Variants in TOX observed in about 807,000 individuals in gnomAD.
The protein encoded by TOX is thymocyte selection-associated high mobility group box protein TOX.
TOX carries 11 observed loss-of-function variants against 53.7 expected under a neutral mutation model. The ratio of observed to expected loss-of-function variants is 0.20; its 90% CI spans 0.13 to 0.34. The LOEUF is 0.34. Ranked by LOEUF, TOX falls within the 10% of genes least tolerant of loss-of-function variation. The pLI is 1.00. For missense variants in TOX, 570 were observed against 664.6 expected (o/e 0.86, Z 1.56); for synonymous variants, 225 against 245.3 (o/e 0.92, Z 0.77).
intron 1 of TOX, among the ~76,000 whole-genome samples, chr8:59,032,923 T>C (rs1408580900): frequency 2.0e-5 from 3 of 151,886 alleles, no homozygotes; most frequent in Non-Finnish European, 4.4e-5. Flanking sequence ...TCCCAGCTAC[T>C]TGGAGGCTTA....
rs143265136 is a variant in TOX, at chr8:58,972,961, G to A, written c.103-12953C>T. Among the ~76,000 whole-genome samples, 31 of 152,220 alleles carry A rather than the reference G, an allele frequency of 2.0e-4. No individual in the cohort carries two copies. The East Asian group carries it at 5.4e-3, about 27-fold the overall frequency. Reference sequence around the variant, plus strand: ...TCTTGTTTCCAAGAAATCTTTTAACGTTATTTGAGATATTAAACTTGCAAC... The same window carrying A: ...TCTTGTTTCCAAGAAATCTTTTAACATTATTTGAGATATTAAACTTGCAAC... On this transcript the variant is annotated intron_variant, in intron 1 of 8. Transcript: ENST00000361421.
At chr8:59,006,875 T>C (rs1485066132) in intron 1 of TOX, among the ~76,000 whole-genome samples, 3 of 152,140 alleles carry the variant, frequency 2.0e-5, no homozygotes, top group African/African-American at 7.2e-5. Context: ...TTGATGTAGG[T>C]CTCTTCTAAT....
chr8:58,861,005 C>A (rs1330808751), intron 3 of TOX, among the ~76,000 whole-genome samples: 1 of 152,152 alleles, frequency 6.6e-6, no homozygotes, highest in African/African-American at 2.4e-5. Context: ...GATTGAGCCA[C>A]CTCGTTTCTG....
At chr8:59,067,118 G>C (rs891975385) in intron 1 of TOX, among the ~76,000 whole-genome samples, 4 of 152,176 alleles carry the variant, frequency 2.6e-5, no homozygotes, top group Admixed American at 1.3e-4. Flanking sequence ...AAATCCAGAA[G>C]GGGGGCCGGG....
intron 3 of TOX, among the ~76,000 whole-genome samples, chr8:58,854,484 A>G (rs1050506299): frequency 6.6e-6 from 1 of 151,980 alleles, no homozygotes. Context: ...TGTAGTGTGT[A>G]GATCTCTGGA....
At chr8:59,050,182 T>C (rs1461698694) in intron 1 of TOX, among the ~76,000 whole-genome samples, 1 of 152,148 alleles carries the variant, frequency 6.6e-6, no homozygotes, top group African/African-American at 2.4e-5. Context: ...TTGCAACTTT[T>C]GTTCTATTGT....
In TOX at chr8:58,806,559, A is replaced by G. The variant is rs145823107; in HGVS notation, c.*1188T>C. 1.0e-4 allele frequency: 16 copies of G among 152,654 alleles called. No individual in the cohort carries two copies. The highest frequency in any genetic ancestry group is 3.8e-4 in the African/African-American group (16 of 41,564). 9.5% of individuals were successfully genotyped at this position (152,654 alleles called of 1,614,324 possible). ...TTGGAGGGCAATTCTGTTATGTCGT[A>G]TGAAGAAATAAAGTTCTTAAATATA... On this transcript the variant is annotated 3_prime_UTR_variant, in exon 9 of 9. Coordinates refer to ENST00000361421, the MANE Select transcript of TOX (RefSeq NM_014729.3).
intron 5 of TOX, among the ~76,000 whole-genome samples, chr8:58,832,966 A>G (rs1157152312): frequency 6.6e-6 from 1 of 152,184 alleles, no homozygotes; most frequent in Non-Finnish European, 1.5e-5. Context: ...TGCAAGTGAG[A>G]TCTGCTCATT....
chr8:58,881,824 G>C (rs761695172), intron 3 of TOX, among the ~76,000 whole-genome samples: 2 of 151,772 alleles, frequency 1.3e-5, no homozygotes, highest in Non-Finnish European at 2.9e-5. Context: ...AGTATACTAA[G>C]GGTATTGTCA....
chr8:58,981,315 CAAG>C (rs770152980), intron 1 of TOX, among the ~76,000 whole-genome samples: 1 of 151,162 alleles, frequency 6.6e-6, no homozygotes, highest in Admixed American at 6.6e-5. Flanking sequence ...CCACTGTCTC[CAAG>C]AAGATGTAGA....
At chr8:59,012,921 T>TAA (rs373043305) in intron 1 of TOX, among the ~76,000 whole-genome samples, 2 of 123,348 alleles carry the variant, frequency 1.6e-5, no homozygotes, top group African/African-American at 3.1e-5. Context: ...TCCCATAGGT[T>TAA]AAAAAAAAAA....
chr8:59,011,213 A>C (rs948798146), intron 1 of TOX, among the ~76,000 whole-genome samples: 1 of 152,246 alleles, frequency 6.6e-6, no homozygotes, highest in Non-Finnish European at 1.5e-5. Flanking sequence ...GGTAACAAAG[A>C]GACCAAGGAT....
chr8:59,071,860 T>A (rs187475192), intron 1 of TOX, among the ~76,000 whole-genome samples: 257 of 152,322 alleles, frequency 1.7e-3, no homozygotes, highest in African/African-American at 5.3e-3. Context: ...ATTAGATATT[T>A]AAAGGAAATT....
Position 58,898,259 on chromosome 8 carries a change from C to T in TOX, c.411+41043G>A, listed in dbSNP as rs540028024. On this transcript the variant is annotated intron_variant, in intron 3 of 8. Coordinates refer to ENST00000361421, the MANE Select transcript of TOX (RefSeq NM_014729.3). ...CTCATTGTTAATCAAATCAGTCAAG[C>T]TCTCTCTGGAATTTCAATTTACACC... Among the ~76,000 whole-genome samples the T allele has an allele frequency of 1.1e-4, 14 of 123,570 alleles. No individual in the cohort carries two copies. In the Middle Eastern group the frequency reaches 0.016, roughly 144 times the overall value. The allele number at this position is 123,570 out of a possible 152,430, so 81.1% of individuals were successfully genotyped here.
chr8:58,924,382 G>T lies in TOX; in HGVS notation c.411+14920C>A, dbSNP rs115349304. Reference sequence around the variant, plus strand: ...GGAGGGAAATCCCTGGACACCATCTGCAGGATATTGTCACAAATACTCACT... The same window carrying T: ...GGAGGGAAATCCCTGGACACCATCTTCAGGATATTGTCACAAATACTCACT... On this transcript the variant is annotated intron_variant, in intron 3 of 8. Transcript: ENST00000361421. 7.0e-4 allele frequency among the ~76,000 whole-genome samples: 106 copies of T among 152,336 alleles called. 1 individual carries two copies. The highest frequency in any genetic ancestry group is 2.4e-3 in the African/African-American group (98 of 41,572).
intron 1 of TOX, among the ~76,000 whole-genome samples, chr8:59,017,267 T>G (rs1336164724): frequency 6.6e-6 from 1 of 152,266 alleles, no homozygotes. Flanking sequence ...ACATTCTATA[T>G]GTAAATGAAA....
At chr8:58,857,507 T>TTGCACATATGCAC (rs1211095842) in intron 3 of TOX, among the ~76,000 whole-genome samples, 1 of 152,182 alleles carries the variant, frequency 6.6e-6, no homozygotes. Flanking sequence ...GAAGGGGTAT[T>TTGCACATATGCAC]ATAATGATGA....
At chr8:59,031,470 C>A (rs1481735988) in intron 1 of TOX, among the ~76,000 whole-genome samples, 1 of 152,186 alleles carries the variant, frequency 6.6e-6, no homozygotes, top group Admixed American at 6.5e-5. Context: ...CTGTTCTAAT[C>A]ATTGGGTATA....
chr8:58,924,790 G>A (rs181819931), intron 3 of TOX, among the ~76,000 whole-genome samples: 28 of 152,284 alleles, frequency 1.8e-4, no homozygotes, highest in Non-Finnish European at 3.1e-4. Flanking sequence ...TTGATAGATT[G>A]CCCAGGGAGA....
Sources: gnomAD v4.1 joint callset for allele counts (sites outside exome capture counted in the v4.1 genomes callset) on GRCh38, gnomAD v4.1.1 for gene constraint, MANE v1.5 for transcripts, NCBI Gene and HGNC (gene_info 2026-07-23, HGNC 2026-07-21) for gene names.